The following KLHL29 variants were observed in gnomAD, a reference collection of about 807,000 sequenced individuals.
KLHL29 encodes the protein kelch like family member 29.
Under a neutral mutation model 80.4 loss-of-function variants are expected in KLHL29, and 21 were observed. That is an observed-to-expected ratio of 0.26 (90% CI 0.19 to 0.38). KLHL29 has a LOEUF of 0.38. KLHL29 is among the 10% of genes least tolerant of loss of function. The pLI is 1.00. For synonymous variants in KLHL29, 511 were observed against 526.8 expected (o/e 0.97, Z 0.41); for missense variants, 867 against 1,223.9 (o/e 0.71, Z 4.35).
At chr2:23,461,976 A>ATATTT (rs536308359) in intron 1 of KLHL29, among the ~76,000 whole-genome samples, 1 of 141,256 alleles carries the variant, frequency 7.1e-6, no homozygotes, top group Non-Finnish European at 1.5e-5. Flanking sequence ...GGTTTTTGCC[A>ATATTT]TTTTTTTTTT....
intron 3 of KLHL29, among the ~76,000 whole-genome samples, chr2:23,578,687 A>G (rs1667902724): frequency 6.6e-6 from 1 of 152,172 alleles, no homozygotes; most frequent in African/African-American, 2.4e-5. Flanking sequence ...TATGTGTTGA[A>G]TTATCAAGTT....
intron 2 of KLHL29, chr2:23,532,648 G>A (rs1466472679): frequency 4.4e-6 from 2 of 456,720 alleles, no homozygotes; most frequent in Non-Finnish European, 8.8e-6. Context: ...TGGGACTGAG[G>A]CCTGGGCGGT....
intron 5 of KLHL29, chr2:23,671,951 C>A (rs1033555280): frequency 2.0e-5 from 3 of 152,384 alleles, no homozygotes; most frequent in Non-Finnish European, 2.9e-5. Context: ...CCAATACATA[C>A]CTTTCTGCTT....
At position 23,696,671 on chromosome 2, in the gene KLHL29, G is replaced by A. The variant is rs1015066043; in HGVS notation, c.2105+158G>A. ...TCCCAGGCTCTTCAGTCACAGCACCGGGGGCAGCAGGGTGTGGGATACAAG... is the reference window on the plus strand; with the variant it reads ...TCCCAGGCTCTTCAGTCACAGCACCAGGGGCAGCAGGGTGTGGGATACAAG... On this transcript the variant is annotated intron_variant, in intron 11 of 13. Transcript: ENST00000486442. This position sits in a 1 kb window ranked among gnomAD's most constrained non-coding sequence, Gnocchi z 5.5. 16 of 587,142 alleles carry A rather than the reference G, an allele frequency of 2.7e-5. No homozygotes were observed. Among genetic ancestry groups the A allele is most frequent in the South Asian group, 4.3e-5 (2 of 46,308 alleles). 36.4% of individuals were successfully genotyped at this position (587,142 alleles called of 1,614,324 possible).
chr2:23,545,914 G>T (rs1666968033), intron 2 of KLHL29, among the ~76,000 whole-genome samples: 1 of 152,222 alleles, frequency 6.6e-6, no homozygotes, highest in South Asian at 2.1e-4. Flanking sequence ...CCAGTCCTCT[G>T]CAGACCCCTT....
In KLHL29 at chr2:23,647,586, G is replaced by A. The variant is rs959520160; in HGVS notation, c.940+4736G>A. ...ATCAGGCCACCGTCACCTCTGGCCT[G>A]CACACTGGCCTCCCAGCCCACAGTG... On this transcript the variant is annotated intron_variant, in intron 5 of 13. Coordinates refer to ENST00000486442, the MANE Select transcript of KLHL29 (RefSeq NM_052920.2). The surrounding 1 kb of genome is among the most constrained non-coding windows in gnomAD (Gnocchi z 4.9). Among the ~76,000 whole-genome samples, 6 of 152,122 alleles carry A rather than the reference G, an allele frequency of 3.9e-5. No individual in the cohort carries two copies. The highest frequency in any genetic ancestry group is 1.4e-4 in the African/African-American group (6 of 41,436).
chr2:23,452,968 C>G (rs1453349435), intron 1 of KLHL29, among the ~76,000 whole-genome samples: 2 of 151,944 alleles, frequency 1.3e-5, no homozygotes, highest in Non-Finnish European at 2.9e-5. Flanking sequence ...TAACCACTTC[C>G]TTTATGCTGG....
chr2:23,668,401 G>T (rs1291064761), intron 5 of KLHL29: 4 of 152,218 alleles, frequency 2.6e-5, no homozygotes, highest in Non-Finnish European at 5.9e-5. Context: ...TCGGAGTGGG[G>T]AGCAAGTCCA....
chr2:23,508,558 C>G (rs1665673382), intron 2 of KLHL29, among the ~76,000 whole-genome samples: 2 of 152,248 alleles, frequency 1.3e-5, no homozygotes, highest in African/African-American at 4.8e-5. Context: ...CACGTAGATT[C>G]AAGAGGAGAG....
chr2:23,413,894 G>A (rs1448850116), intron 1 of KLHL29, among the ~76,000 whole-genome samples: 2 of 152,174 alleles, frequency 1.3e-5, no homozygotes, highest in Admixed American at 6.5e-5. Flanking sequence ...GGTGGCATCA[G>A]GCACAGAGAG....
At chr2:23,581,576 A>G (rs533632663) in intron 3 of KLHL29, among the ~76,000 whole-genome samples, 1 of 152,222 alleles carries the variant, frequency 6.6e-6, no homozygotes, top group East Asian at 1.9e-4. Context: ...CTATAATCCC[A>G]GCACTTTGGG....
intron 1 of KLHL29, among the ~76,000 whole-genome samples, chr2:23,441,482 GAAT>G (rs199836796): frequency 1.6e-5 from 2 of 123,620 alleles, no homozygotes; most frequent in African/African-American, 3.0e-5. Context: ...AGTATAATAA[GAAT>G]AATAATAATA....
chr2:23,565,051 T>A (rs778853272), intron 3 of KLHL29, among the ~76,000 whole-genome samples: 3 of 152,162 alleles, frequency 2.0e-5, no homozygotes, highest in Non-Finnish European at 4.4e-5. Flanking sequence ...AGCAGAGTTG[T>A]TGTGAGGACT....
At chr2:23,636,230 G>A (rs1384520502) in intron 3 of KLHL29, among the ~76,000 whole-genome samples, 1 of 152,166 alleles carries the variant, frequency 6.6e-6, no homozygotes, top group East Asian at 1.9e-4. Flanking sequence ...AGCCTCCTCG[G>A]CAAAGGGCAC....
At chr2:23,535,228 AGAGAC>A (rs1666624898) in intron 2 of KLHL29, among the ~76,000 whole-genome samples, 1 of 152,252 alleles carries the variant, frequency 6.6e-6, no homozygotes, top group East Asian at 1.9e-4. Context: ...TGGGAGGAAA[AGAGAC>A]AGAACAGTCT....
intron 1 of KLHL29, among the ~76,000 whole-genome samples, chr2:23,389,338 A>G (rs897667223): frequency 6.6e-6 from 1 of 152,208 alleles, no homozygotes; most frequent in African/African-American, 2.4e-5. Flanking sequence ...ATATTTCAGA[A>G]ATATCAAGGC....
At chr2:23,583,713 C>T (rs147512542) in intron 3 of KLHL29, among the ~76,000 whole-genome samples, 56 of 152,278 alleles carry the variant, frequency 3.7e-4, no homozygotes, top group African/African-American at 1.3e-3. Context: ...TGGAAACAGA[C>T]GTGCTGTACT....
At chr2:23,388,963 C>G (rs186008688) in intron 1 of KLHL29, among the ~76,000 whole-genome samples, 1 of 144,916 alleles carries the variant, frequency 6.9e-6, no homozygotes, top group Non-Finnish European at 1.5e-5. Flanking sequence ...TTTTTGCTTC[C>G]TTCCTTTTTT....
At position 23,688,008 on chromosome 2, in the gene KLHL29, C is replaced by T. The variant is rs527528645; in HGVS notation, c.1079+3471C>T. On this transcript the variant is annotated intron_variant, in intron 6 of 13. Coordinates refer to ENST00000486442, the MANE Select transcript of KLHL29 (RefSeq NM_052920.2). Reference sequence around the variant, plus strand: ...CCCCCATGGCCATGCAGAAGGGTCCCGGCAAAGTCCTGCCCAGAGCCCCAC... The same window carrying T: ...CCCCCATGGCCATGCAGAAGGGTCCTGGCAAAGTCCTGCCCAGAGCCCCAC... Among the ~76,000 whole-genome samples, 81 of 152,256 alleles carry T rather than the reference C, an allele frequency of 5.3e-4. 2 individuals are homozygous for T. The South Asian group carries it at 6.0e-3, about 11-fold the overall frequency.
Sources: allele counts gnomAD v4.1 joint callset (sites outside exome capture counted in the v4.1 genomes callset), GRCh38; gene constraint gnomAD v4.1.1; non-coding constraint Gnocchi (gnomAD v3.1); transcripts MANE v1.5; gene names NCBI Gene and HGNC (gene_info 2026-07-23, HGNC 2026-07-21).